Variants in CRPPA observed in about 807,000 individuals in gnomAD.
The protein encoded by CRPPA is CDP-L-ribitol pyrophosphorylase A.
Under a neutral mutation model 52.0 loss-of-function variants are expected in CRPPA, and 43 were observed. That is an observed-to-expected ratio of 0.83 (90% CI 0.65 to 1.07). The LOEUF (loss-of-function observed/expected upper bound fraction) is 1.07. Among genes scored for constraint, CRPPA ranks in the 50% least tolerant of loss-of-function variants. CRPPA has a pLI of 0.00. For missense variants in CRPPA, 629 were observed against 551.7 expected (o/e 1.14, Z -1.40); for synonymous variants, 250 against 203.5 (o/e 1.23, Z -1.94).
intron 9 of CRPPA, among the ~76,000 whole-genome samples, chr7:16,202,798 A>T (rs534336866): frequency 1.3e-5 from 2 of 152,312 alleles, no homozygotes; most frequent in East Asian, 3.9e-4. Flanking sequence ...TGTGAAAAAG[A>T]CAATTTTGTC....
In CRPPA at chr7:16,258,927, C is replaced by A; in HGVS notation, c.1019G>T (p.Cys340Phe). 1.2e-6 allele frequency: 2 copies of A among 1,606,724 alleles called. No homozygotes were observed. Among genetic ancestry groups the A allele is most frequent in the African/African-American group, 2.7e-5 (2 of 74,786 alleles). Residue 340 changes from cysteine (C) to phenylalanine (F), a missense_variant, in exon 7 of 10, where the codon TGT (cysteine) becomes TTT (phenylalanine). Cys to Phe is a radical substitution (Grantham distance 205, BLOSUM62 -2). Coordinates refer to ENST00000407010, the MANE Select transcript of CRPPA (RefSeq NM_001101426.4). ...TCATTTGAATTGACTTACATTCACA[C>A]AAACAAAATTGTAGCATTGATCTAA... Reference protein sequence around the residue: ...IILDQCYNFVCVNVTTSDFQE... With the variant: ...IILDQCYNFVFVNVTTSDFQE...
intron 1 of CRPPA, among the ~76,000 whole-genome samples, chr7:16,410,951 G>C (rs1489626161): frequency 6.6e-6 from 1 of 152,134 alleles, no homozygotes; most frequent in East Asian, 1.9e-4. Context: ...AGCTTGCAGA[G>C]TGCTTATACA....
At chr7:16,264,689 T>C (rs1783906484) in intron 6 of CRPPA, among the ~76,000 whole-genome samples, 1 of 152,250 alleles carries the variant, frequency 6.6e-6, no homozygotes, top group Admixed American at 6.5e-5. Flanking sequence ...CTAGCCTCTC[T>C]ACCATTCAAA....
Position 16,108,297 on chromosome 7 carries a change from A to G in CRPPA, c.1252-16498T>C, listed in dbSNP as rs189928642. ...GGATGGAAAGGATATTTTTTGCAAA[A>G]GGAAACCAAAAGATAGCAACAGTAG... On this transcript the variant is annotated intron_variant, in intron 9 of 9. Coordinates refer to ENST00000407010, the MANE Select transcript of CRPPA (RefSeq NM_001101426.4). Among the ~76,000 whole-genome samples, 74 of 152,128 alleles carry G rather than the reference A, an allele frequency of 4.9e-4. No individual in the cohort carries two copies. The East Asian group carries it at 0.014, about 29-fold the overall frequency.
chr7:16,257,626 G>T (rs1005547795), intron 8 of CRPPA, among the ~76,000 whole-genome samples: 4 of 151,994 alleles, frequency 2.6e-5, no homozygotes, highest in African/African-American at 9.7e-5. Context: ...TACCTGACAA[G>T]AATTAAATTC....
intron 9 of CRPPA, among the ~76,000 whole-genome samples, chr7:16,175,552 T>A (rs1213024332): frequency 6.6e-6 from 1 of 152,150 alleles, no homozygotes; most frequent in African/African-American, 2.4e-5. Flanking sequence ...CTATAACCAC[T>A]GAAGGGCCAG....
chr7:16,400,845 G>A (rs1460478685), intron 2 of CRPPA, among the ~76,000 whole-genome samples: 4 of 152,354 alleles, frequency 2.6e-5, no homozygotes, highest in Non-Finnish European at 5.9e-5. Flanking sequence ...TTATACCTTT[G>A]TAATTACAGT....
Position 16,342,763 on chromosome 7 carries a change from CAAA to C in CRPPA, c.684+33326_684+33328del, listed in dbSNP as rs368521163. 2.8e-3 allele frequency among the ~76,000 whole-genome samples: 180 copies of C among 64,938 alleles called. 4 individuals carry two copies. Among genetic ancestry groups the C allele is most frequent in the Admixed American group, 0.015 (84 of 5,674 alleles). 42.6% of individuals were successfully genotyped at this position (64,938 alleles called of 152,430 possible). ...GGCAACAGGATGAACCCTGTCTCCA[CAAA>C]AAAAAAAAAAAAAAAAATATATATA... On this transcript the variant is annotated intron_variant, in intron 3 of 9. Transcript: ENST00000407010.
At chr7:16,364,438 A>G (rs968162663) in intron 3 of CRPPA, among the ~76,000 whole-genome samples, 1 of 152,224 alleles carries the variant, frequency 6.6e-6, no homozygotes, top group African/African-American at 2.4e-5. Flanking sequence ...AGGCATCTGA[A>G]GAACTCTCCA....
chr7:16,286,177 AACTTG>A (rs1235811040), intron 5 of CRPPA, among the ~76,000 whole-genome samples: 1 of 144,614 alleles, frequency 6.9e-6, no homozygotes, highest in African/African-American at 2.6e-5. Flanking sequence ...TTTGTGTATC[AACTTG>A]ACTGGACCAC....
At chr7:16,219,062 T>C (rs1290437074) in intron 8 of CRPPA, among the ~76,000 whole-genome samples, 1 of 152,126 alleles carries the variant, frequency 6.6e-6, no homozygotes, top group East Asian at 1.9e-4. Flanking sequence ...CCTCAGCAAA[T>C]GTAAAAGAAC....
intron 9 of CRPPA, among the ~76,000 whole-genome samples, chr7:16,140,239 C>T (rs201718541): frequency 3.2e-4 from 49 of 152,254 alleles, no homozygotes; most frequent in East Asian, 1.2e-3. Flanking sequence ...TGTCCACCTC[C>T]GGGGATCAAG....
intron 3 of CRPPA, among the ~76,000 whole-genome samples, chr7:16,342,069 G>T (rs1171962910): frequency 6.6e-6 from 1 of 152,014 alleles, no homozygotes; most frequent in Non-Finnish European, 1.5e-5. Context: ...ACATACACAG[G>T]CACCTACACA....
intron 6 of CRPPA, chr7:16,276,688 G>A (rs1223741681): frequency 6.6e-6 from 1 of 152,088 alleles, no homozygotes; most frequent in Non-Finnish European, 1.5e-5. Context: ...GATTTTTAAG[G>A]TATCAACATA....
chr7:16,178,237 C>T lies in CRPPA; in HGVS notation c.1251+37829G>A, dbSNP rs1376422732. Among the ~76,000 whole-genome samples the T allele has an allele frequency of 2.0e-5, 3 of 151,952 alleles. No homozygotes were observed. The East Asian group carries it at 5.8e-4, about 29-fold the overall frequency. On this transcript the variant is annotated intron_variant, in intron 9 of 9. Coordinates refer to ENST00000407010, the MANE Select transcript of CRPPA (RefSeq NM_001101426.4). Reference sequence around the variant, plus strand: ...TAGCTCAGTCAGATGTATTGCAGGACAGTGACAGATGGAAATGACATACAC... The same window carrying T: ...TAGCTCAGTCAGATGTATTGCAGGATAGTGACAGATGGAAATGACATACAC...
At chr7:16,232,555 C>G (rs1432279969) in intron 8 of CRPPA, among the ~76,000 whole-genome samples, 20 of 152,016 alleles carry the variant, frequency 1.3e-4, no homozygotes, top group Admixed American at 1.3e-3. Context: ...ATAAATTGCC[C>G]AGTTCATGTT....
chr7:16,316,523 A>G (rs1785148390), intron 3 of CRPPA, among the ~76,000 whole-genome samples: 1 of 152,098 alleles, frequency 6.6e-6, no homozygotes, highest in Admixed American at 6.5e-5. Flanking sequence ...TATAGATTTA[A>G]TCAGTCTCAT....
At chr7:16,136,540 G>C (rs1480811961) in intron 9 of CRPPA, among the ~76,000 whole-genome samples, 2 of 152,166 alleles carry the variant, frequency 1.3e-5, no homozygotes, top group African/African-American at 4.8e-5. Flanking sequence ...TTACAAACTA[G>C]ACTGACTTCA....
At chr7:16,388,910 A>G (rs1490494387) in intron 2 of CRPPA, among the ~76,000 whole-genome samples, 1 of 152,208 alleles carries the variant, frequency 6.6e-6, no homozygotes, top group Non-Finnish European at 1.5e-5. Flanking sequence ...CTTTGACGAA[A>G]AAAAAAGGCA....
Sources: allele counts gnomAD v4.1 joint callset (sites outside exome capture counted in the v4.1 genomes callset), GRCh38; gene constraint gnomAD v4.1.1; transcripts MANE v1.5; gene names NCBI Gene and HGNC (gene_info 2026-07-23, HGNC 2026-07-21).